EPM2A: variants seen among roughly 807,000 people sequenced by gnomAD.
The protein encoded by EPM2A is EPM2A glucan phosphatase, laforin.
EPM2A carries 21 observed loss-of-function variants against 26.5 expected under a neutral mutation model. The ratio of observed to expected loss-of-function variants is 0.79; its 90% confidence interval spans 0.56 to 1.14. The LOEUF is 1.14. Ranked by LOEUF, EPM2A falls within the 50% of genes most tolerant of loss-of-function variation. EPM2A has a pLI of 0.00. For missense variants in EPM2A, 458 were observed against 440.8 expected, an observed-to-expected ratio of 1.04 and a Z score of -0.35; for synonymous variants, 217 against 177.6, an observed-to-expected ratio of 1.22 and a Z score of -1.76.
In EPM2A at chr6:145,524,263, T is replaced by A. The variant is rs573964182; in HGVS notation, c.341-21688A>T. On this transcript the variant is annotated intron_variant, in intron 2 of 3. Transcript: ENST00000450221. ...ATGAACATATGAGTGTATGTGTCTT[T>A]TGGTAGAATGATAACTTTTCCTTTG... Among the ~76,000 whole-genome samples, 4 of 152,328 alleles carry A rather than the reference T, an allele frequency of 2.6e-5. No individual in the cohort carries two copies. The East Asian group carries it at 7.7e-4, about 29-fold the overall frequency.
At chr6:145,590,170 T>C (rs1159398013) in intron 2 of EPM2A, among the ~76,000 whole-genome samples, 1 of 152,122 alleles carries the variant, frequency 6.6e-6, no homozygotes, top group Non-Finnish European at 1.5e-5. Flanking sequence ...GAGAAACTCC[T>C]ACAGGCCACA....
chr6:145,438,716 C>T (rs1779021356), intron 4 of EPM2A, among the ~76,000 whole-genome samples: 1 of 152,116 alleles, frequency 6.6e-6, no homozygotes, highest in Non-Finnish European at 1.5e-5. Flanking sequence ...TCGTGATCCA[C>T]CCGCCTCAGC....
intron 2 of EPM2A, among the ~76,000 whole-genome samples, chr6:145,677,327 T>C (rs910902161): frequency 6.6e-6 from 1 of 152,226 alleles, no homozygotes; most frequent in African/African-American, 2.4e-5. Context: ...GCCAATATTA[T>C]ACTGAATGGG....
At chr6:145,522,620 T>C (rs1319656555) in intron 2 of EPM2A, among the ~76,000 whole-genome samples, 2 of 152,236 alleles carry the variant, frequency 1.3e-5, no homozygotes, top group Non-Finnish European at 2.9e-5. Context: ...AATTTGATTA[T>C]TACGGCAATT....
rs116969458 is a variant in EPM2A, at chr6:145,572,697, C to T, written c.340+62548G>A. ...ATTCACCTATGGGGCCTGCCAAAGGCTCTGAACAGCATCCCTATCTGCCAC... is the reference window on the plus strand; with the variant it reads ...ATTCACCTATGGGGCCTGCCAAAGGTTCTGAACAGCATCCCTATCTGCCAC... On this transcript the variant is annotated intron_variant, in intron 2 of 3. Transcript: ENST00000450221. 4.6e-3 allele frequency among the ~76,000 whole-genome samples: 707 copies of T among 152,300 alleles called. 26 individuals carry two copies. In the East Asian group the frequency reaches 0.085, roughly 18 times the overall value.
chr6:145,585,331 T>A (rs1259281728), intron 2 of EPM2A, among the ~76,000 whole-genome samples: 4 of 152,172 alleles, frequency 2.6e-5, no homozygotes, highest in African/African-American at 9.6e-5. Context: ...TAATTTTTTT[T>A]ACTCTCCTAA....
chr6:145,615,784 G>C (rs1775498514), intron 2 of EPM2A, among the ~76,000 whole-genome samples: 1 of 152,064 alleles, frequency 6.6e-6, no homozygotes, highest in South Asian at 2.1e-4. Context: ...GAGATTGGTG[G>C]CATTTTGCCC....
At chr6:145,644,314 G>C (rs1192244425) in intron 2 of EPM2A, among the ~76,000 whole-genome samples, 1 of 152,098 alleles carries the variant, frequency 6.6e-6, no homozygotes, top group Non-Finnish European at 1.5e-5. Flanking sequence ...CAGTGAGCAA[G>C]CTGCAGGAAA....
chr6:145,387,851 C>T (rs917492223), intron 4 of EPM2A, among the ~76,000 whole-genome samples: 4 of 151,818 alleles, frequency 2.6e-5, no homozygotes, highest in African/African-American at 7.3e-5. Context: ...AGTTATGGTA[C>T]AAGCAGGCAG....
At chr6:145,629,329 A>T (rs994170180) in intron 3 of EPM2A, 1 of 152,144 alleles carries the variant, frequency 6.6e-6, no homozygotes, top group Non-Finnish European at 1.5e-5. Context: ...ATGAACTTTA[A>T]CCCATCTAAA....
intron 2 of EPM2A, among the ~76,000 whole-genome samples, chr6:145,682,119 G>A (rs185288109): frequency 2.0e-5 from 3 of 152,226 alleles, no homozygotes; most frequent in South Asian, 2.1e-4. Flanking sequence ...ACAGTTCCAC[G>A]TGGCTCGGGA....
In EPM2A at chr6:145,547,544, A is replaced by C. The variant is rs7741913; in HGVS notation, c.341-44969T>G. On this transcript the variant is annotated intron_variant, in intron 2 of 3. Transcript: ENST00000450221. ...TGGAAGCACATTCTACAAGAAAAACAACAAAATATAGATTCTATCTAAATG... is the reference window on the plus strand; with the variant it reads ...TGGAAGCACATTCTACAAGAAAAACCACAAAATATAGATTCTATCTAAATG... Among the ~76,000 whole-genome samples the C allele has an allele frequency of 4.3e-3, 652 of 152,270 alleles. 2 individuals carry two copies. Among genetic ancestry groups the C allele is most frequent in the African/African-American group, 0.015 (619 of 41,576 alleles).
intron 4 of EPM2A, among the ~76,000 whole-genome samples, chr6:145,399,551 A>G (rs1402686181): frequency 6.6e-6 from 1 of 152,190 alleles, no homozygotes; most frequent in African/African-American, 2.4e-5. Flanking sequence ...AAAAAAATCT[A>G]TCAGCCACTT....
At chr6:145,706,910 A>G (rs908885963) in intron 1 of EPM2A, among the ~76,000 whole-genome samples, 1 of 152,202 alleles carries the variant, frequency 6.6e-6, no homozygotes, top group Non-Finnish European at 1.5e-5. Context: ...GGACTTTTGG[A>G]AAATGATTAA....
intron 4 of EPM2A, among the ~76,000 whole-genome samples, chr6:145,443,047 GT>G (rs1248303939): frequency 6.6e-6 from 1 of 151,500 alleles, no homozygotes; most frequent in African/African-American, 2.4e-5. Flanking sequence ...GTGTGTGTGT[GT>G]TTTTAGTAGA....
chr6:145,495,356 T>A (rs896127897), intron 4 of EPM2A, among the ~76,000 whole-genome samples: 5 of 151,938 alleles, frequency 3.3e-5, no homozygotes, highest in Non-Finnish European at 7.4e-5. Flanking sequence ...TTTTCCTTCA[T>A]CCTTTTATTT....
Position 145,627,256 on chromosome 6 carries a change from AC to A in EPM2A, c.*159del. 1.3e-6 allele frequency: 2 copies of A among 1,534,324 alleles called. No homozygotes were observed. Among genetic ancestry groups the A allele is most frequent in the Non-Finnish European group, 1.7e-6 (2 of 1,152,878 alleles). ...AGTATTTCAAAAATACAGCCCCAAA[AC>A]AAAGCATAATCGAAAGTCATCCCAG... On this transcript the variant is annotated 3_prime_UTR_variant, in exon 4 of 4. Coordinates refer to ENST00000367519, the MANE Select transcript of EPM2A (RefSeq NM_005670.4).
chr6:145,718,696 G>A (rs1388845694), intron 1 of EPM2A, among the ~76,000 whole-genome samples: 2 of 152,052 alleles, frequency 1.3e-5, no homozygotes, highest in Non-Finnish European at 2.9e-5. Context: ...CTACAAAATG[G>A]GAGAAAATTT....
At chr6:145,543,470 C>G (rs1161548932) in intron 2 of EPM2A, among the ~76,000 whole-genome samples, 1 of 151,948 alleles carries the variant, frequency 6.6e-6, no homozygotes, top group African/African-American at 2.4e-5. Flanking sequence ...TTCTGCAGCT[C>G]AGAAACATTA....
Sources: gnomAD v4.1 joint callset for allele counts (sites outside exome capture counted in the v4.1 genomes callset) on GRCh38, gnomAD v4.1.1 for gene constraint, MANE v1.5 for transcripts, NCBI Gene and HGNC (gene_info 2026-07-23, HGNC 2026-07-21) for gene names.